OPRM1: variants seen among roughly 807,000 people sequenced by gnomAD.
OPRM1 encodes opioid receptor mu 1.
A neutral mutation model predicts 31.8 loss-of-function variants in OPRM1; 27 were observed. The ratio of observed to expected loss-of-function variants is 0.85; its 90% CI spans 0.63 to 1.17. OPRM1 has a LOEUF of 1.17. Among genes scored for constraint, OPRM1 ranks in the 50% most tolerant of loss-of-function variants. The pLI is 0.00. For missense variants in OPRM1, 536 were observed against 511.1 expected, an observed-to-expected ratio of 1.05 and a Z score of -0.47; for synonymous variants, 196 against 189.9, an observed-to-expected ratio of 1.03 and a Z score of -0.26.
intron 3 of OPRM1, among the ~76,000 whole-genome samples, chr6:154,231,239 A>G (rs1311472421): frequency 2.0e-5 from 3 of 152,234 alleles, no homozygotes; most frequent in Admixed American, 2.0e-4. Flanking sequence ...ATTGAAGAAA[A>G]GTTAGGATAA....
intron 3 of OPRM1, among the ~76,000 whole-genome samples, chr6:154,185,409 G>A (rs944882812): frequency 3.9e-5 from 6 of 152,150 alleles, no homozygotes; most frequent in African/African-American, 1.4e-4. Context: ...ATGGCAAAAA[G>A]TTAGAGTTTA....
chr6:154,020,774 C>G (rs532088556), intron 1 of OPRM1, among the ~76,000 whole-genome samples: 1 of 152,298 alleles, frequency 6.6e-6, no homozygotes, highest in East Asian at 1.9e-4. Context: ...TTGCAATTCA[C>G]TAAGGGCATA....
Position 154,126,407 on chromosome 6 carries a change from G to T in OPRM1, c.*7686G>T, listed in dbSNP as rs1797588312. On this transcript the variant is annotated 3_prime_UTR_variant, in exon 4 of 4. Coordinates refer to ENST00000330432, the MANE Select transcript of OPRM1 (RefSeq NM_000914.5). ...CACTGTCCAAGAGGACAAAGACAAA[G>T]AAATTCTGGGAAGGAGAACAACAAT... Among the ~76,000 whole-genome samples the T allele has an allele frequency of 6.6e-6, 1 of 152,200 alleles. No homozygotes were observed. Among genetic ancestry groups the T allele is most frequent in the African/African-American group, 2.4e-5 (1 of 41,448 alleles).
intron 3 of OPRM1, among the ~76,000 whole-genome samples, chr6:154,099,468 GAAA>G (rs1212086023): frequency 1.1e-4 from 12 of 106,544 alleles, no homozygotes; most frequent in Non-Finnish European, 2.0e-4. Flanking sequence ...AAGAAAGAAA[GAAA>G]AAGAAAGAAA....
chr6:154,049,543 C>G (rs938464122), intron 1 of OPRM1, among the ~76,000 whole-genome samples: 1 of 152,120 alleles, frequency 6.6e-6, no homozygotes, highest in Non-Finnish European at 1.5e-5. Flanking sequence ...GGCCAATTTT[C>G]AAATACAGAA....
chr6:154,039,714 GC>G lies in OPRM1; in HGVS notation c.172del (p.Leu58CysfsTer10), dbSNP rs1309268338. The G allele has an allele frequency of 6.2e-7, 1 of 1,612,746 alleles. No homozygotes were observed. The highest frequency in any genetic ancestry group is 1.7e-5 in the Admixed American group (1 of 60,004). On this transcript the variant is annotated frameshift_variant, in exon 1 of 4. Coordinates refer to ENST00000330432, the MANE Select transcript of OPRM1 (RefSeq NM_000914.5). LOFTEE classifies it high-confidence loss of function. The part of the protein sequence containing the change: ...PNRTDLGGRD[S>X]LCPPTGSPSM... ...CGCACCGACCTGGGCGGGAGAGACAGCCTGTGCCCTCCGACCGGCAGTCCCT... is the reference window on the plus strand; with the variant it reads ...CGCACCGACCTGGGCGGGAGAGACAGCTGTGCCCTCCGACCGGCAGTCCCT...
intron 3 of OPRM1, among the ~76,000 whole-genome samples, chr6:154,218,629 G>A (rs1359690015): frequency 6.6e-6 from 1 of 152,184 alleles, no homozygotes; most frequent in Non-Finnish European, 1.5e-5. Flanking sequence ...TTATTGCAAA[G>A]TAAATCTCTA....
At chr6:154,068,353 T>C (rs1366384688) in intron 1 of OPRM1, among the ~76,000 whole-genome samples, 2 of 152,192 alleles carry the variant, frequency 1.3e-5, no homozygotes, top group Non-Finnish European at 1.5e-5. Context: ...CTTTGATCTA[T>C]ATAACCTCAA....
At chr6:154,243,602 A>G (rs927459808) in intron 3 of OPRM1, among the ~76,000 whole-genome samples, 5 of 152,206 alleles carry the variant, frequency 3.3e-5, no homozygotes, top group Non-Finnish European at 7.3e-5. Flanking sequence ...GATCACATGT[A>G]ATTTCAAAGG....
intron 3 of OPRM1, chr6:154,093,425 T>C: frequency 6.2e-7 from 1 of 1,613,954 alleles, no homozygotes; most frequent in Non-Finnish European, 8.5e-7. Flanking sequence ...GCCCGTCTGG[T>C]GGAGCATTTC....
At chr6:154,083,927 A>G (rs1012583824) in intron 1 of OPRM1, among the ~76,000 whole-genome samples, 10 of 145,062 alleles carry the variant, frequency 6.9e-5, no homozygotes, top group Non-Finnish European at 1.2e-4. Context: ...CTGGGCGACA[A>G]AGGGAGACTC....
intron 3 of OPRM1, among the ~76,000 whole-genome samples, chr6:154,138,968 ACT>A (rs1209804960): frequency 6.6e-6 from 1 of 152,178 alleles, no homozygotes; most frequent in African/African-American, 2.4e-5. Context: ...CCAGGAACTG[ACT>A]CAGCGCAAGA....
At chr6:154,064,757 A>C (rs1785039969) in intron 1 of OPRM1, among the ~76,000 whole-genome samples, 1 of 152,192 alleles carries the variant, frequency 6.6e-6, no homozygotes, top group Non-Finnish European at 1.5e-5. Context: ...TTCTTTCTCC[A>C]TTGAAAGGTC....
At chr6:154,051,620 A>G (rs1782212925) in intron 1 of OPRM1, among the ~76,000 whole-genome samples, 1 of 152,222 alleles carries the variant, frequency 6.6e-6, no homozygotes, top group Non-Finnish European at 1.5e-5. Flanking sequence ...AATCAAAACT[A>G]CAATGAGAAC....
chr6:154,242,201 G>T (rs1197927004), intron 3 of OPRM1, among the ~76,000 whole-genome samples: 1 of 152,130 alleles, frequency 6.6e-6, no homozygotes, highest in Non-Finnish European at 1.5e-5. Flanking sequence ...ACTTCTCAAA[G>T]ATCCTAATAA....
At chr6:154,186,006 G>A (rs889242017) in intron 3 of OPRM1, among the ~76,000 whole-genome samples, 2 of 152,076 alleles carry the variant, frequency 1.3e-5, no homozygotes, top group Non-Finnish European at 2.9e-5. Flanking sequence ...TGTTCTTTGC[G>A]GCCTATCAAT....
chr6:154,139,768 G>T (rs1798149663), intron 3 of OPRM1, among the ~76,000 whole-genome samples: 1 of 152,136 alleles, frequency 6.6e-6, no homozygotes, highest in Non-Finnish European at 1.5e-5. Context: ...AGTGTAGGCA[G>T]CCACTTAAAT....
chr6:154,051,758 A>T (rs1010134269), intron 1 of OPRM1, among the ~76,000 whole-genome samples: 3 of 152,234 alleles, frequency 2.0e-5, no homozygotes, highest in Admixed American at 2.0e-4. Flanking sequence ...CCATTGTGGA[A>T]GACAATGTGG....
intron 3 of OPRM1, chr6:154,212,908 A>C: frequency 8.3e-7 from 1 of 1,209,870 alleles, no homozygotes. Flanking sequence ...CGCTTATTCC[A>C]TAATGCATGA....
Sources: allele counts gnomAD v4.1 joint callset (sites outside exome capture counted in the v4.1 genomes callset), GRCh38; gene constraint gnomAD v4.1.1; transcripts MANE v1.5; gene names NCBI Gene and HGNC (gene_info 2026-07-23, HGNC 2026-07-21).